The following ULK4 variants were observed in gnomAD, a reference collection of about 807,000 sequenced individuals.
ULK4 encodes inactive serine/threonine-protein kinase ULK4.
A neutral mutation model predicts 160.6 loss-of-function variants in ULK4; 133 were observed. The observed-to-expected ratio is 0.83, with a 90% confidence interval of 0.72 to 0.96. ULK4 has a LOEUF of 0.96. Ranked by LOEUF, ULK4 falls within the 40% of genes least tolerant of loss-of-function variation. The pLI is 0.00. For missense variants in ULK4, 1,580 were observed against 1,499.5 expected (o/e 1.05, Z -0.89); for synonymous variants, 534 against 539.8 (o/e 0.99, Z 0.15).
chr3:41,293,104 G>C (rs544534191), intron 35 of ULK4, among the ~76,000 whole-genome samples: 36 of 151,894 alleles, frequency 2.4e-4, no homozygotes, highest in Non-Finnish European at 5.0e-4. Flanking sequence ...ACAGAGAGAG[G>C]CTCCATCTAA....
At chr3:41,917,037 T>G (rs1698991647) in intron 7 of ULK4, among the ~76,000 whole-genome samples, 1 of 152,188 alleles carries the variant, frequency 6.6e-6, no homozygotes, top group Non-Finnish European at 1.5e-5. Context: ...TACCTTATTC[T>G]TTTAAGTATT....
chr3:41,362,427 A>G (rs1166740380), intron 35 of ULK4, among the ~76,000 whole-genome samples: 1 of 152,242 alleles, frequency 6.6e-6, no homozygotes, highest in Admixed American at 6.5e-5. Flanking sequence ...ATTCCTAAAA[A>G]TAGATCCCTA....
intron 35 of ULK4, among the ~76,000 whole-genome samples, chr3:41,282,463 T>C (rs1005578906): frequency 6.6e-6 from 1 of 151,886 alleles, no homozygotes; most frequent in Non-Finnish European, 1.5e-5. Flanking sequence ...TATAGACCAA[T>C]GGAACAGAAC....
intron 31 of ULK4, among the ~76,000 whole-genome samples, chr3:41,590,071 C>T (rs558803812): frequency 3.3e-5 from 5 of 151,782 alleles, no homozygotes; most frequent in South Asian, 2.1e-4. Flanking sequence ...GGCGCGATCT[C>T]GGCTCACTGT....
At chr3:41,567,443 A>ATTTTTTTTTTTTTTTTTTTTTTTTTTTT in intron 31 of ULK4, among the ~76,000 whole-genome samples, 1 of 90,312 alleles carries the variant, frequency 1.1e-5, no homozygotes, top group Non-Finnish European at 2.1e-5. Context: ...CACTTAACAG[A>ATTTTTTTTTTTTTTTTTTTTTTTTTTTT]TTTTTTTTTT....
chr3:41,644,449 A>C (rs2034383487), intron 30 of ULK4, among the ~76,000 whole-genome samples: 1 of 152,166 alleles, frequency 6.6e-6, no homozygotes, highest in Non-Finnish European at 1.5e-5. Flanking sequence ...TATTGAGATA[A>C]TCATGTGGTT....
intron 17 of ULK4, among the ~76,000 whole-genome samples, chr3:41,842,111 G>A (rs2125662159): frequency 7.7e-6 from 1 of 129,830 alleles, no homozygotes; most frequent in South Asian, 2.5e-4. Context: ...CCCCCTCTCT[G>A]AGAAAACCCA....
intron 29 of ULK4, among the ~76,000 whole-genome samples, chr3:41,668,173 C>A (rs1163686563): frequency 2.0e-5 from 3 of 152,160 alleles, no homozygotes; most frequent in African/African-American, 7.2e-5. Context: ...TTCATCTCAA[C>A]AGAGTGTGCT....
At chr3:41,727,958 G>T (rs2037706550) in intron 22 of ULK4, among the ~76,000 whole-genome samples, 1 of 152,196 alleles carries the variant, frequency 6.6e-6, no homozygotes, top group Non-Finnish European at 1.5e-5. Context: ...GTGAAAAAGA[G>T]AAGTCAAGAA....
At chr3:41,311,525 T>C (rs1270497478) in intron 35 of ULK4, among the ~76,000 whole-genome samples, 5 of 152,274 alleles carry the variant, frequency 3.3e-5, no homozygotes, top group Middle Eastern at 3.4e-3. Context: ...AGGCAGCCTA[T>C]TGTGGGACCT....
chr3:41,960,022 G>A (rs540015815), intron 1 of ULK4, among the ~76,000 whole-genome samples: 1 of 144,844 alleles, frequency 6.9e-6, no homozygotes, highest in Admixed American at 7.4e-5. Context: ...GGCTACAAGG[G>A]AAAAAATTAA....
chr3:41,251,492 A>G lies in ULK4; in HGVS notation c.3679-1918T>C, dbSNP rs898223015. On this transcript the variant is annotated intron_variant, in intron 35 of 36. Coordinates refer to ENST00000301831, the MANE Select transcript of ULK4 (RefSeq NM_017886.4). ...GAGAGGACACTGAATTCAAAGCACC[A>G]CTGAACTGGCAGTGAGTTTACCACT... Among the ~76,000 whole-genome samples, 4 of 152,242 alleles carry G rather than the reference A, an allele frequency of 2.6e-5. No homozygotes were observed. In the East Asian group the frequency reaches 5.8e-4, roughly 22 times the overall value.
At chr3:41,662,331 T>C (rs775354520) in intron 30 of ULK4, among the ~76,000 whole-genome samples, 3 of 152,298 alleles carry the variant, frequency 2.0e-5, no homozygotes, top group Middle Eastern at 6.8e-3. Context: ...TAGATGGTAG[T>C]ATTTGCATGG....
At chr3:41,418,457 T>G (rs868302113) in intron 34 of ULK4, among the ~76,000 whole-genome samples, 7 of 152,084 alleles carry the variant, frequency 4.6e-5, no homozygotes, top group Admixed American at 2.6e-4. Context: ...GAAGTGGACC[T>G]GTACAGTTCA....
intron 18 of ULK4, among the ~76,000 whole-genome samples, chr3:41,834,125 G>T (rs920058423): frequency 9.2e-5 from 14 of 151,694 alleles, no homozygotes; most frequent in African/African-American, 3.1e-4. Flanking sequence ...CTAGGAAAAA[G>T]ACTTCTCCCC....
At chr3:41,871,562 T>C (rs999676919) in intron 17 of ULK4, among the ~76,000 whole-genome samples, 12 of 152,242 alleles carry the variant, frequency 7.9e-5, no homozygotes, top group African/African-American at 2.7e-4. Context: ...AGGTGTATAG[T>C]TGCAGAATTA....
intron 30 of ULK4, among the ~76,000 whole-genome samples, chr3:41,661,268 A>G (rs2035146219): frequency 1.3e-5 from 2 of 152,212 alleles, no homozygotes; most frequent in South Asian, 2.1e-4. Context: ...AATAAATATG[A>G]TATGAAAAGA....
intron 30 of ULK4, among the ~76,000 whole-genome samples, chr3:41,623,847 T>C (rs1019246395): frequency 1.3e-5 from 2 of 152,178 alleles, no homozygotes; most frequent in African/African-American, 4.8e-5. Flanking sequence ...AAAGAAATGA[T>C]AGCACGTGAA....
At chr3:41,588,077 G>A (rs559273491) in intron 31 of ULK4, among the ~76,000 whole-genome samples, 22 of 152,274 alleles carry the variant, frequency 1.4e-4, no homozygotes, top group African/African-American at 5.1e-4. Context: ...CCAGATTTAA[G>A]GACATCTGAG....
Sources: allele counts gnomAD v4.1 joint callset (sites outside exome capture counted in the v4.1 genomes callset), GRCh38; gene constraint gnomAD v4.1.1; transcripts MANE v1.5; gene names NCBI Gene and HGNC (gene_info 2026-07-23, HGNC 2026-07-21).